KIRREL3: variants seen among roughly 807,000 people sequenced by gnomAD.
KIRREL3 encodes the protein kirre like nephrin family adhesion molecule 3.
KIRREL3 carries 36 observed loss-of-function variants against 89.7 expected under a neutral mutation model. The observed-to-expected ratio is 0.40, with a 90% CI of 0.31 to 0.53. The LOEUF is 0.53. Among genes scored for constraint, KIRREL3 ranks in the 20% least tolerant of loss-of-function variants. The pLI is 0.49. For missense variants in KIRREL3, 864 were observed against 1,056.6 expected, an observed-to-expected ratio of 0.82 and a Z score of 2.53; for synonymous variants, 445 against 441.4, an observed-to-expected ratio of 1.01 and a Z score of -0.10.
intron 1 of KIRREL3, among the ~76,000 whole-genome samples, chr11:126,695,484 T>C (rs1947057273): frequency 6.6e-6 from 1 of 151,074 alleles, no homozygotes; most frequent in African/African-American, 2.4e-5. Context: ...AAAGTTGGCA[T>C]TAGTCCCTGC....
intron 1 of KIRREL3, chr11:126,681,882 A>C (rs1276610324): frequency 2.2e-6 from 1 of 455,408 alleles, no homozygotes; most frequent in African/African-American, 2.0e-5. Flanking sequence ...AAACAAATCA[A>C]ATGTACGTTT....
Position 126,999,760 on chromosome 11 carries a change from C to G in KIRREL3, c.55+695G>C, listed in dbSNP as rs886945351. On this transcript the variant is annotated intron_variant, in intron 1 of 16. Transcript: ENST00000525144. This position sits in a 1 kb window ranked among gnomAD's most constrained non-coding sequence, Gnocchi z 5.7. Reference sequence around the variant, plus strand: ...GGCAAAGTTCTTTCCGGAGAGTCCACCTGCTTCTCTGCCCCTGCTAGGCTG... The same window carrying G: ...GGCAAAGTTCTTTCCGGAGAGTCCAGCTGCTTCTCTGCCCCTGCTAGGCTG... Among the ~76,000 whole-genome samples, 1 of 152,184 alleles carries G rather than the reference C, an allele frequency of 6.6e-6. No individual in the cohort carries two copies. The highest frequency in any genetic ancestry group is 6.5e-5 in the Admixed American group (1 of 15,276).
rs919848164 is a variant in KIRREL3 at position 126,640,967 on chromosome 11, A to C, written c.56-78055T>G. 2.6e-5 allele frequency among the ~76,000 whole-genome samples: 4 copies of C among 152,146 alleles called. No homozygotes were observed. Among genetic ancestry groups the C allele is most frequent in the Non-Finnish European group, 5.9e-5 (4 of 68,034 alleles). On this transcript the variant is annotated intron_variant, in intron 1 of 16. Coordinates refer to ENST00000525144, the MANE Select transcript of KIRREL3 (RefSeq NM_032531.4). The surrounding 1 kb of genome is among the most constrained non-coding windows in gnomAD (Gnocchi z 4.9). ...AGACCACCCCCTAAACTCTGGACTCATCTATCCAATTGCCTAGTTCTCCCC... is the reference window on the plus strand; with the variant it reads ...AGACCACCCCCTAAACTCTGGACTCCTCTATCCAATTGCCTAGTTCTCCCC...
chr11:126,745,499 A>C (rs902999627), intron 1 of KIRREL3, among the ~76,000 whole-genome samples: 111 of 151,228 alleles, frequency 7.3e-4, no homozygotes, highest in Non-Finnish European at 1.3e-3. Flanking sequence ...GAAAAACAAA[A>C]AAAAAAAACA....
chr11:126,787,049 T>C (rs939190578), intron 1 of KIRREL3, among the ~76,000 whole-genome samples: 4 of 152,218 alleles, frequency 2.6e-5, no homozygotes, highest in Non-Finnish European at 5.9e-5. Context: ...CAATGGGTTC[T>C]GGCTTTTGCC....
In KIRREL3 at chr11:126,817,956, C is replaced by T. The variant is rs1281310962; in HGVS notation, c.55+182499G>A. On this transcript the variant is annotated intron_variant, in intron 1 of 16. Transcript: ENST00000525144. This position sits in a 1 kb window ranked among gnomAD's most constrained non-coding sequence, Gnocchi z 5.7. ...TCAGCTCTTGAATCAGAGGCTTCAG[C>T]AGGAGGAGAGGCTCAAATGAGCCCA... is the stretch of plus-strand genomic sequence containing the variant. 6.6e-6 allele frequency among the ~76,000 whole-genome samples: 1 copy of T among 152,204 alleles called. No homozygotes were observed. The highest frequency in any genetic ancestry group is 1.5e-5 in the Non-Finnish European group (1 of 68,032).
intron 1 of KIRREL3, among the ~76,000 whole-genome samples, chr11:126,853,999 G>A (rs1461866398): frequency 6.6e-6 from 1 of 151,970 alleles, no homozygotes; most frequent in African/African-American, 2.4e-5. Flanking sequence ...CATCTCATGG[G>A]AGTCTCCTCT....
chr11:126,478,403 A>G (rs906950977), intron 4 of KIRREL3, among the ~76,000 whole-genome samples: 14 of 152,118 alleles, frequency 9.2e-5, no homozygotes, highest in African/African-American at 3.4e-4. Context: ...TATTTGTTGA[A>G]TATATTATTT....
Position 126,750,485 on chromosome 11 carries a change from AG to A in KIRREL3, c.56-187574del, listed in dbSNP as rs58781342. Among the ~76,000 whole-genome samples, 27,114 of 152,186 alleles carry A rather than the reference AG, an allele frequency of 0.18. 2,549 individuals carry two copies. The highest frequency in any genetic ancestry group is 0.22 in the African/African-American group (9,114 of 41,498). The stretch of plus-strand genomic sequence containing the variant: ...TGGAGAGGTTTGGCTGAGAGACTTA[AG>A]AATGTAGTATGAACTTATCAGTGAA... On this transcript the variant is annotated intron_variant, in intron 1 of 16. Transcript: ENST00000525144. This position sits in a 1 kb window ranked among gnomAD's most constrained non-coding sequence, Gnocchi z 4.2.
chr11:126,613,876 T>TG (rs1943232910), intron 1 of KIRREL3, among the ~76,000 whole-genome samples: 1 of 39,900 alleles, frequency 2.5e-5, no homozygotes, highest in Non-Finnish European at 6.4e-5. Flanking sequence ...TGTTGCTTTT[T>TG]TTTTTTTTTT....
chr11:126,510,951 C>T (rs1200974906), intron 4 of KIRREL3, among the ~76,000 whole-genome samples: 1 of 152,144 alleles, frequency 6.6e-6, no homozygotes, highest in Non-Finnish European at 1.5e-5. Flanking sequence ...GTCCTGGTGC[C>T]TCCAGGGCTA....
Position 126,568,596 on chromosome 11 carries a change from C to T in KIRREL3, c.56-5684G>A, listed in dbSNP as rs913235131. Among the ~76,000 whole-genome samples, 1 of 152,220 alleles carries T rather than the reference C, an allele frequency of 6.6e-6. No homozygotes were observed. Among genetic ancestry groups the T allele is most frequent in the African/African-American group, 2.4e-5 (1 of 41,462 alleles). On this transcript the variant is annotated intron_variant, in intron 1 of 16. Coordinates refer to ENST00000525144, the MANE Select transcript of KIRREL3 (RefSeq NM_032531.4). The surrounding 1 kb of genome is among the most constrained non-coding windows in gnomAD (Gnocchi z 4.6). ...AGGCCACATGGGGCAGGGGAGGTTT[C>T]AGAACTAACAGAGCTGGCTGGAGCC...
At chr11:126,456,282 TC>T (rs1431373977) in intron 7 of KIRREL3, 66 bp downstream of exon 7, 39 of 1,044,778 alleles carry the variant, frequency 3.7e-5, no homozygotes, top group Middle Eastern at 2.3e-4. Flanking sequence ...CTAAGTGACA[TC>T]CCACGTGAGA....
At chr11:126,425,444 GCT>G (rs1278855318) in intron 16 of KIRREL3, among the ~76,000 whole-genome samples, 192 bp downstream of exon 16, 1 of 152,202 alleles carries the variant, frequency 6.6e-6, no homozygotes, top group Admixed American at 6.5e-5. Flanking sequence ...CTCAGCCTTA[GCT>G]CTCTCAGCCT....
intron 1 of KIRREL3, among the ~76,000 whole-genome samples, chr11:126,878,875 A>G (rs1426849873): frequency 6.6e-6 from 1 of 152,164 alleles, no homozygotes; most frequent in Non-Finnish European, 1.5e-5. Flanking sequence ...GGACCTGGCC[A>G]CACTTCTATT....
At chr11:126,845,887 C>T (rs558732030) in intron 1 of KIRREL3, among the ~76,000 whole-genome samples, 27 of 152,232 alleles carry the variant, frequency 1.8e-4, no homozygotes, top group Admixed American at 5.2e-4. Flanking sequence ...CAGGCTCCAA[C>T]GGCCTGTAGT....
In KIRREL3 at chr11:126,870,016, A is replaced by G. The variant is rs1317065456; in HGVS notation, c.55+130439T>C. Among the ~76,000 whole-genome samples, 3 of 152,138 alleles carry G rather than the reference A, an allele frequency of 2.0e-5. No homozygotes were observed. Among genetic ancestry groups the G allele is most frequent in the Non-Finnish European group, 2.9e-5 (2 of 68,016 alleles). On this transcript the variant is annotated intron_variant, in intron 1 of 16. Transcript: ENST00000525144. The surrounding 1 kb of genome is among the most constrained non-coding windows in gnomAD (Gnocchi z 4.4). ...TGGTCTCACAAATGTCCTTTCCACAATTCATTTCAAATGCCCCTAAACAGT... is the reference window on the plus strand; with the variant it reads ...TGGTCTCACAAATGTCCTTTCCACAGTTCATTTCAAATGCCCCTAAACAGT...
At chr11:126,980,392 G>A (rs1949688160) in intron 1 of KIRREL3, among the ~76,000 whole-genome samples, 1 of 152,186 alleles carries the variant, frequency 6.6e-6, no homozygotes, top group African/African-American at 2.4e-5. Flanking sequence ...GGATGGAGGT[G>A]TCAGATACCA....
At chr11:126,542,304 G>C (rs527309106) in intron 2 of KIRREL3, among the ~76,000 whole-genome samples, 4 of 144,326 alleles carry the variant, frequency 2.8e-5, no homozygotes, top group African/African-American at 8.8e-5. Flanking sequence ...ACCATCTTGG[G>C]GCAACGTCCT....
Sources: allele counts gnomAD v4.1 joint callset (sites outside exome capture counted in the v4.1 genomes callset), GRCh38; gene constraint gnomAD v4.1.1; non-coding constraint Gnocchi (gnomAD v3.1); transcripts MANE v1.5; gene names NCBI Gene and HGNC (gene_info 2026-07-23, HGNC 2026-07-21).